NEGR1: variants seen among roughly 807,000 people sequenced by gnomAD.
NEGR1 encodes neuronal growth regulator 1.
NEGR1 carries 10 observed loss-of-function variants against 40.9 expected under a neutral mutation model. The observed-to-expected ratio is 0.24, with a 90% confidence interval of 0.15 to 0.42. NEGR1 has a LOEUF of 0.42. Ranked by LOEUF, NEGR1 falls within the 10% of genes least tolerant of loss-of-function variation. The probability of loss-of-function intolerance (pLI) is 1.00; values close to 1 mark genes in which losing one functional copy is unlikely to be tolerated. For synonymous variants in NEGR1, 185 were observed against 166.8 expected (o/e 1.11, Z -0.84); for missense variants, 352 against 438.9 (o/e 0.80, Z 1.77).
intron 3 of NEGR1, among the ~76,000 whole-genome samples, chr1:71,753,075 C>A (rs148101719): frequency 9.6e-4 from 146 of 152,126 alleles, no homozygotes; most frequent in Middle Eastern, 3.4e-3. Flanking sequence ...TAGTTGTAGT[C>A]CTTGGGAAAA....
intron 1 of NEGR1, among the ~76,000 whole-genome samples, chr1:71,957,217 C>G (rs1199552147): frequency 1.3e-5 from 2 of 152,092 alleles, no homozygotes; most frequent in Non-Finnish European, 2.9e-5. Flanking sequence ...GAGAGTTTCA[C>G]TTTGTCCATT....
chr1:71,663,934 T>C (rs1652153401), intron 4 of NEGR1, among the ~76,000 whole-genome samples: 1 of 152,190 alleles, frequency 6.6e-6, no homozygotes, highest in Non-Finnish European at 1.5e-5. Context: ...ATGGATTCTA[T>C]ACAAGCAATA....
intron 4 of NEGR1, among the ~76,000 whole-genome samples, chr1:71,672,949 T>C (rs981572385): frequency 1.3e-5 from 2 of 152,116 alleles, no homozygotes; most frequent in African/African-American, 2.4e-5. Flanking sequence ...AGAAACTGTA[T>C]CCATGGCCGG....
intron 1 of NEGR1, among the ~76,000 whole-genome samples, chr1:71,945,289 GT>G (rs1646007787): frequency 6.6e-6 from 1 of 152,046 alleles, no homozygotes; most frequent in African/African-American, 2.4e-5. Flanking sequence ...TGTTTAACTT[GT>G]TTAGGACAGA....
chr1:71,583,938 G>A (rs753496362), intron 6 of NEGR1, among the ~76,000 whole-genome samples: 1 of 152,298 alleles, frequency 6.6e-6, no homozygotes, highest in Non-Finnish European at 1.5e-5. Flanking sequence ...ACACATTTGA[G>A]AGCTAGGAAA....
chr1:71,431,758 A>T (rs1646471079), intron 6 of NEGR1, among the ~76,000 whole-genome samples: 1 of 152,250 alleles, frequency 6.6e-6, no homozygotes, highest in South Asian at 2.1e-4. Context: ...CTAAAAAGAC[A>T]GAATAAGGGA....
At chr1:71,900,760 A>G (rs544613588) in intron 2 of NEGR1, among the ~76,000 whole-genome samples, 3 of 152,194 alleles carry the variant, frequency 2.0e-5, no homozygotes, top group Non-Finnish European at 4.4e-5. Context: ...TCATTTTTAA[A>G]TATGTACAAA....
rs1424899029 is a variant in NEGR1 at position 71,397,652 on chromosome 1, G to C, written c.*9794C>G. 1 of 152,150 alleles carries C rather than the reference G, an allele frequency of 6.6e-6. No individual in the cohort carries two copies. Among genetic ancestry groups the C allele is most frequent in the Non-Finnish European group, 1.5e-5 (1 of 68,038 alleles). The allele number at this position is 152,150 out of a possible 1,614,324, so 9.4% of individuals were successfully genotyped here. A position where few individuals can be genotyped will look rare whatever the true frequency, so the allele number is the denominator to read the frequency against. ...GGCATTCAGTTTTAAAAGGGAAACAGTATAAAAGTTTGAAAAATTTACAGA... is the reference window on the plus strand; with the variant it reads ...GGCATTCAGTTTTAAAAGGGAAACACTATAAAAGTTTGAAAAATTTACAGA... On this transcript the variant is annotated 3_prime_UTR_variant, in exon 7 of 7. Coordinates refer to ENST00000357731, the MANE Select transcript of NEGR1 (RefSeq NM_173808.3).
At chr1:71,486,036 A>T (rs1646885709) in intron 6 of NEGR1, among the ~76,000 whole-genome samples, 1 of 151,642 alleles carries the variant, frequency 6.6e-6, no homozygotes. Context: ...ACAATTTTGC[A>T]TGTCTACCAG....
chr1:71,972,195 T>C (rs1283838869), intron 1 of NEGR1, among the ~76,000 whole-genome samples: 1 of 152,188 alleles, frequency 6.6e-6, no homozygotes, highest in African/African-American at 2.4e-5. Context: ...TTAGGGAAGA[T>C]GTGGATATGA....
chr1:72,204,779 T>C (rs1653336301), intron 1 of NEGR1, among the ~76,000 whole-genome samples: 1 of 152,154 alleles, frequency 6.6e-6, no homozygotes, highest in Non-Finnish European at 1.5e-5. Flanking sequence ...TAAGACCTTA[T>C]GTTTAATTTC....
chr1:71,452,900 A>C lies in NEGR1; in HGVS notation c.941-45330T>G, dbSNP rs190560204. Among the ~76,000 whole-genome samples the C allele has an allele frequency of 5.5e-3, 844 of 152,290 alleles. 6 individuals carry two copies. Among genetic ancestry groups the C allele is most frequent in the African/African-American group, 0.019 (804 of 41,564 alleles). ...CAACTTTTATAAAAATACATATAAC[A>C]GATTTATTTCAGTAGCATAAACACA... is the stretch of plus-strand genomic sequence containing the variant. On this transcript the variant is annotated intron_variant, in intron 6 of 6. Transcript: ENST00000357731.
chr1:72,048,773 G>T (rs1557500614), intron 1 of NEGR1, among the ~76,000 whole-genome samples: 1 of 151,514 alleles, frequency 6.6e-6, no homozygotes, highest in Admixed American at 6.6e-5. Flanking sequence ...GTTCTTTTCT[G>T]CCTTTAACAT....
intron 1 of NEGR1, among the ~76,000 whole-genome samples, chr1:72,117,338 C>T (rs1387968161): frequency 2.0e-5 from 3 of 151,728 alleles, no homozygotes; most frequent in Admixed American, 6.6e-5. Flanking sequence ...TCCTTAAGCA[C>T]AAGCCTCACT....
At chr1:72,050,031 A>T (rs1372586445) in intron 1 of NEGR1, among the ~76,000 whole-genome samples, 1 of 151,582 alleles carries the variant, frequency 6.6e-6, no homozygotes, top group Non-Finnish European at 1.5e-5. Flanking sequence ...ATGGCTGCTT[A>T]TATGGGATTT....
intron 6 of NEGR1, among the ~76,000 whole-genome samples, chr1:71,567,005 C>T: frequency 6.6e-6 from 1 of 152,062 alleles, no homozygotes; most frequent in South Asian, 2.1e-4. Flanking sequence ...AATACCGTCA[C>T]CTTGGGGCTT....
chr1:71,836,431 AAAAAAAAC>A (rs1193903713), intron 2 of NEGR1, among the ~76,000 whole-genome samples: 4 of 148,080 alleles, frequency 2.7e-5, no homozygotes, highest in South Asian at 2.1e-4. Context: ...TCTGGCTCAA[AAAAAAAAC>A]AAAAAAACAA....
At chr1:71,954,971 A>T (rs544473396) in intron 1 of NEGR1, among the ~76,000 whole-genome samples, 1 of 152,190 alleles carries the variant, frequency 6.6e-6, no homozygotes, top group African/African-American at 2.4e-5. Flanking sequence ...GATAAATTTT[A>T]CATGAGGAAT....
At chr1:72,279,563 G>A (rs1367972881) in intron 1 of NEGR1, among the ~76,000 whole-genome samples, 1 of 152,080 alleles carries the variant, frequency 6.6e-6, no homozygotes, top group Non-Finnish European at 1.5e-5. Flanking sequence ...TATTTTGATG[G>A]GACAAGGGCA....
Sources: gnomAD v4.1 joint callset for allele counts (sites outside exome capture counted in the v4.1 genomes callset) on GRCh38, gnomAD v4.1.1 for gene constraint, MANE v1.5 for transcripts, NCBI Gene and HGNC (gene_info 2026-07-23, HGNC 2026-07-21) for gene names.